Variants in AP3D1 observed in about 807,000 individuals in gnomAD.
The protein encoded by AP3D1 is adaptor related protein complex 3 subunit delta 1, also known as AP-3 complex subunit delta-1.
Under a neutral mutation model 147.6 loss-of-function variants are expected in AP3D1, and 51 were observed. The ratio of observed to expected loss-of-function variants is 0.35; its 90% CI spans 0.28 to 0.44. The LOEUF is 0.44. Among genes scored for constraint, AP3D1 ranks in the 20% least tolerant of loss-of-function variants. AP3D1 has a pLI of 1.00. For synonymous variants in AP3D1, 760 were observed against 663.0 expected (o/e 1.15, Z -2.25); for missense variants, 1,421 against 1,624.2 (o/e 0.87, Z 2.15).
chr19:2,115,048 G>A (rs1014486493), intron 20 of AP3D1, among the ~76,000 whole-genome samples, 171 bp downstream of exon 20: 5 of 152,204 alleles, frequency 3.3e-5, no homozygotes, highest in Non-Finnish European at 7.4e-5. Context: ...GGGGCGGTGC[G>A]TCGGGACGCG....
chr19:2,110,687 G>C lies in AP3D1; in HGVS notation c.3175+20C>G. On this transcript the variant is annotated intron_variant, in intron 27 of 31. Transcript: ENST00000643116. Reference sequence around the variant, plus strand: ...GCTCCCACAGTCCCCAGGAGAGGCCGTGAGTGGGGCAGGGCTCACCTGGGG... The same window carrying C: ...GCTCCCACAGTCCCCAGGAGAGGCCCTGAGTGGGGCAGGGCTCACCTGGGG... 2 of 1,569,952 alleles carry C rather than the reference G, an allele frequency of 1.3e-6. No homozygotes were observed. The highest frequency in any genetic ancestry group is 1.7e-6 in the Non-Finnish European group (2 of 1,157,276).
chr19:2,151,317 C>G lies in AP3D1; in HGVS notation c.18G>C (p.Val6=), dbSNP rs764316872. ...CGAACATGCGGTCGATGCTGCCCTT[C>G]ACCATCTTGAGGGCCATCGCGGCGG... MALKM[V]KGSIDRMFDK... The change falls in exon 1 of 32, where the codon GTG becomes GTC. Residue 6 remains valine (V), a synonymous_variant. Transcript: ENST00000643116. 1.2e-6 allele frequency: 2 copies of G among 1,606,400 alleles called. No homozygotes were observed. Among genetic ancestry groups the G allele is most frequent in the Non-Finnish European group, 1.7e-6 (2 of 1,176,348 alleles).
At chr19:2,144,967 G>T (rs939572088) in intron 1 of AP3D1, among the ~76,000 whole-genome samples, 9 of 152,138 alleles carry the variant, frequency 5.9e-5, no homozygotes, top group Non-Finnish European at 1.2e-4. Flanking sequence ...GAGACAGCAG[G>T]TCAGTGGTCG....
upstream of AP3D1, among the ~76,000 whole-genome samples, chr19:2,155,521 G>A (rs1403813543): frequency 8.9e-6 from 1 of 112,396 alleles, no homozygotes; most frequent in East Asian, 2.7e-4. Context: ...GTGACAGCGA[G>A]ACTCTGTCTC....
intron 1 of AP3D1, among the ~76,000 whole-genome samples, chr19:2,142,730 A>G (rs556118929): frequency 1.7e-4 from 26 of 150,576 alleles, no homozygotes; most frequent in African/African-American, 2.4e-4. Context: ...CCTCACCCCA[A>G]TGGGGGCTCT....
intron 1 of AP3D1, chr19:2,164,329 C>T: frequency 2.7e-6 from 3 of 1,115,442 alleles, no homozygotes; most frequent in South Asian, 4.4e-5. Flanking sequence ...CCTGGGGACA[C>T]CCCAAACCCC....
At position 2,114,192 on chromosome 19, in the gene AP3D1, T is replaced by C. The variant is rs2145034943; in HGVS notation, c.2534A>G (p.Lys845Arg). 9 of 1,608,848 alleles carry C rather than the reference T, an allele frequency of 5.6e-6. No homozygotes were observed. The highest frequency in any genetic ancestry group is 7.6e-6 in the Non-Finnish European group (9 of 1,177,498). The change falls in exon 22 of 32, where the codon AAG becomes AGG. Residue 845 changes from lysine to arginine, a missense_variant. Transcript: ENST00000643116. The stretch of plus-strand genomic sequence containing the variant: ...CTCTTTGTGTTTTTTCTCTTTCTTC[T>C]TGGGTTTCTTGCTCTTCTTTTCTAC... ...PMVEKKSKKP[K>R]KKEKKHKEKE...
chr19:2,108,578 T>C (rs2018174923), intron 31 of AP3D1, 109 bp downstream of exon 31: 2 of 986,676 alleles, frequency 2.0e-6, no homozygotes, highest in South Asian at 1.5e-5. Context: ...CTGCCATCAC[T>C]GTCCTCGAGC....
chr19:2,159,862 G>A (rs982900388), intron 1 of AP3D1, among the ~76,000 whole-genome samples: 5 of 151,184 alleles, frequency 3.3e-5, no homozygotes, highest in Non-Finnish European at 5.9e-5. Flanking sequence ...GTCTACAGGC[G>A]CCTGCCAACA....
intron 8 of AP3D1, among the ~76,000 whole-genome samples, chr19:2,127,502 T>C (rs2018790050): frequency 6.6e-6 from 1 of 152,180 alleles, no homozygotes; most frequent in Non-Finnish European, 1.5e-5. Context: ...TCCTACTGCA[T>C]CTTTTCTAGA....
chr19:2,159,343 C>T lies in AP3D1; in HGVS notation c.-103+5013G>A, dbSNP rs904786629. ...AAGCGATTCTCCTGCCTCAGCCTCC[C>T]GAGCAGCCGGGATTACAGGCATGCG... is the stretch of plus-strand genomic sequence containing the variant. On this transcript the variant is annotated intron_variant, in intron 1 of 14. Transcript: ENST00000643010. Among the ~76,000 whole-genome samples the T allele has an allele frequency of 7.9e-5, 12 of 151,908 alleles. 1 individual carries two copies. The highest frequency in any genetic ancestry group is 6.3e-4 in the South Asian group (3 of 4,794).
rs995509561 is a variant in AP3D1 at position 2,136,950 on chromosome 19, G to A, written c.354+61C>T. On this transcript the variant is annotated intron_variant, in intron 4 of 31. Transcript: ENST00000643116. ...CACAGGAAGACGCGTGTGGGAACCA[G>A]ACGCTCCGGCAAGGGCAGACTGCAC... The A allele has an allele frequency of 5.4e-6, 8 of 1,473,474 alleles. No homozygotes were observed. The African/African-American group carries it at 7.0e-5, about 13-fold the overall frequency. 91.3% of individuals were successfully genotyped at this position (1,473,474 alleles called of 1,614,324 possible).
At chr19:2,131,617 A>ACAGCGCC (rs2018947476) in intron 5 of AP3D1, among the ~76,000 whole-genome samples, 1 of 139,114 alleles carries the variant, frequency 7.2e-6, no homozygotes, top group Non-Finnish European at 1.5e-5. Context: ...CCACGCGGGG[A>ACAGCGCC]CAGCGCCCAT....
intron 1 of AP3D1, among the ~76,000 whole-genome samples, chr19:2,163,192 G>GC (rs896618619): frequency 5.9e-5 from 9 of 152,220 alleles, no homozygotes; most frequent in African/African-American, 2.2e-4. Context: ...TCCTACCTCA[G>GC]CCCCCGCAGT....
intron 31 of AP3D1, among the ~76,000 whole-genome samples, chr19:2,105,382 C>T (rs2018081753): frequency 6.6e-6 from 1 of 152,180 alleles, no homozygotes. Flanking sequence ...ACCTGGCTGG[C>T]CCAGGGTGGA....
intron 31 of AP3D1, among the ~76,000 whole-genome samples, chr19:2,105,458 T>C (rs1188310194): frequency 2.0e-5 from 3 of 152,244 alleles, no homozygotes; most frequent in Non-Finnish European, 4.4e-5. Flanking sequence ...TCAGGGCGTG[T>C]TCCTGCTGCA....
intron 5 of AP3D1, among the ~76,000 whole-genome samples, chr19:2,131,793 G>A (rs543897734): frequency 7.2e-6 from 1 of 138,676 alleles, no homozygotes; most frequent in East Asian, 2.2e-4. Context: ...CGGGGACCGC[G>A]CCCATCGGCC....
rs1463182374 is a variant in AP3D1 at position 2,132,590 on chromosome 19, G to C, written c.355-12C>G. On this transcript the variant is annotated splice_polypyrimidine_tract_variant and intron_variant, in intron 4 of 31. Coordinates refer to ENST00000643116, the MANE Select transcript of AP3D1 (RefSeq NM_001261826.3). ...GGGCTGCTCAAGTCCTGGAAAGTGA[G>C]AGAAAGGGGCCGTGGCCAGGATGCC... 1.3e-6 allele frequency: 2 copies of C among 1,595,336 alleles called. No homozygotes were observed. The highest frequency in any genetic ancestry group is 1.7e-6 in the Non-Finnish European group (2 of 1,164,714).
intron 1 of AP3D1, among the ~76,000 whole-genome samples, chr19:2,159,219 C>T (rs1322625561): frequency 6.8e-6 from 1 of 147,954 alleles, no homozygotes; most frequent in Non-Finnish European, 1.5e-5. Context: ...CCATCTCTCT[C>T]TCTTTTTTTT....
Sources: gnomAD v4.1 joint callset for allele counts (sites outside exome capture counted in the v4.1 genomes callset) on GRCh38, gnomAD v4.1.1 for gene constraint, MANE v1.5 for transcripts, NCBI Gene and HGNC (gene_info 2026-07-23, HGNC 2026-07-21) for gene names.